The following RBBP6 variants were observed in gnomAD, a reference collection of about 807,000 sequenced individuals.
The protein encoded by RBBP6 is RB binding protein 6, ubiquitin ligase.
In RBBP6, 25 loss-of-function variants were observed where a neutral mutation model predicts 167.7. The observed-to-expected ratio is 0.15, with a 90% confidence interval of 0.11 to 0.21. The LOEUF (loss-of-function observed/expected upper bound fraction) is 0.21. RBBP6 is among the 10% of genes least tolerant of loss of function. RBBP6 has a pLI of 1.00. For missense variants in RBBP6, 1,868 were observed against 2,134.2 expected (o/e 0.88, Z 2.46); for synonymous variants, 789 against 735.8 (o/e 1.07, Z -1.17).
chr16:24,553,273 AC>A, intron 3 of RBBP6: 1 of 412,860 alleles, frequency 2.4e-6, no homozygotes, highest in Non-Finnish European at 4.4e-6. Flanking sequence ...TCTGTGTGAT[AC>A]ATTTTTTCAT....
intron 1 of RBBP6, among the ~76,000 whole-genome samples, chr16:24,545,425 T>G (rs1898619796): frequency 6.6e-6 from 1 of 152,208 alleles, no homozygotes; most frequent in South Asian, 2.1e-4. Context: ...TTAAAATCCT[T>G]CAGTGTCTTC....
At chr16:24,567,650 C>T in intron 15 of RBBP6, 142 bp from the exon 16 acceptor site, 1 of 1,254,962 alleles carries the variant, frequency 8.0e-7, no homozygotes, top group Non-Finnish European at 1.1e-6. Flanking sequence ...CAAGCAACTT[C>T]TCAGGGATTC....
intron 6 of RBBP6, 112 bp from the exon 7 acceptor site, chr16:24,556,194 CAT>C (rs1898908812): frequency 1.2e-6 from 1 of 849,472 alleles, no homozygotes; most frequent in Non-Finnish European, 1.8e-6. Flanking sequence ...AATGAGATCA[CAT>C]ATGTAAAGCA....
chr16:24,542,998 G>A (rs1197574861), intron 1 of RBBP6, among the ~76,000 whole-genome samples: 1 of 152,168 alleles, frequency 6.6e-6, no homozygotes, highest in South Asian at 2.1e-4. Context: ...GGGAGAAAAT[G>A]TGTATTTTAT....
In RBBP6 at chr16:24,571,670, G is replaced by A. The variant is rs373248663; in HGVS notation, c.4604G>A (p.Ser1535Asn). The part of the protein sequence containing the change: ...GTGDSKKSNS[S>N]PSRDRKPHDH... The stretch of plus-strand genomic sequence containing the variant: ...GGAGATTCCAAAAAAAGTAATTCTA[G>A]TCCCTCAAGAGACAGAAAACCTCAT... The change falls in exon 18 of 18, where the codon AGT (serine) becomes AAT (asparagine). Residue 1535 changes from serine (S) to asparagine (N), a missense_variant. This residue lies in a region of RBBP6 where 591 missense variants were observed against 540.5 expected (regional missense o/e 1.09). Transcript: ENST00000319715. The A allele has an allele frequency of 1.1e-5, 18 of 1,613,866 alleles. No individual in the cohort carries two copies. Among genetic ancestry groups the A allele is most frequent in the Non-Finnish European group, 1.4e-5 (17 of 1,179,954 alleles).
chr16:24,570,942 G>A lies in RBBP6; in HGVS notation c.3876G>A (p.Val1292=), dbSNP rs766022585. The A allele has an allele frequency of 1.9e-6, 3 of 1,604,874 alleles. No homozygotes were observed. Among genetic ancestry groups the A allele is most frequent in the Non-Finnish European group, 2.6e-6 (3 of 1,173,036 alleles). The part of the protein sequence containing the change: ...SEEKTDTKRT[V]IKTMEEYNND... ...AAAAAACAGATACAAAGCGAACTGTGATTAAAACGATGGAAGAATATAATA... is the reference window on the plus strand; with the variant it reads ...AAAAAACAGATACAAAGCGAACTGTAATTAAAACGATGGAAGAATATAATA... The change falls in exon 18 of 18, where the codon GTG becomes GTA. Residue 1292 remains valine, a synonymous_variant. Transcript: ENST00000319715.
intron 3 of RBBP6, chr16:24,549,193 A>T: frequency 7.0e-7 from 1 of 1,423,568 alleles, no homozygotes; most frequent in South Asian, 1.6e-5. Context: ...TGTGCCCGTA[A>T]CACTGTTTCA....
rs2141478658 is a variant in RBBP6, at chr16:24,569,714, A to C, written c.3024A>C (p.Glu1008Asp). 1 of 1,614,128 alleles carries C rather than the reference A, an allele frequency of 6.2e-7. No homozygotes were observed. The highest frequency in any genetic ancestry group is 1.6e-4 in the Middle Eastern group (1 of 6,062). Residue 1008 changes from glutamate (E) to aspartate (D), a missense_variant, in exon 17 of 18, where the codon GAA becomes GAC. Physicochemically the swap from Glu to Asp is conservative, Grantham distance 45. Around this residue, in one of 7 missense-constraint regions of RBBP6, gnomAD observed 673 missense variants for 691.5 expected, o/e 0.97. Transcript: ENST00000319715. The stretch of plus-strand genomic sequence containing the variant: ...CAGTGTCTGAAAAAGACAAGAGAGA[A>C]AGGGATAAACCAAAAGCAAAGGGTG... ...FKSVSEKDKRERDKPKAKGDK... is the reference protein window; with the variant it reads ...FKSVSEKDKRDRDKPKAKGDK...
Position 24,555,759 on chromosome 16 carries a change from C to A in RBBP6, c.437+56C>A. 3 of 1,584,270 alleles carry A rather than the reference C, an allele frequency of 1.9e-6. 1 individual carries two copies. Among genetic ancestry groups the A allele is most frequent in the South Asian group, 2.2e-5 (2 of 89,884 alleles). ...AACTTTTGGGGTGGGTTTTCCCCCC[C>A]AATCAAAAGCACTATTTTTTCAAAG... On this transcript the variant is annotated intron_variant, in intron 5 of 17. Transcript: ENST00000319715.
Position 24,570,222 on chromosome 16 carries a change from C to T in RBBP6, c.3532C>T (p.Pro1178Ser). 1 of 1,612,694 alleles carries T rather than the reference C, an allele frequency of 6.2e-7. No homozygotes were observed. The change falls in exon 17 of 18, where the codon CCA becomes TCA. Residue 1178 changes from proline to serine, a missense_variant. Pro to Ser is a moderately conservative substitution (Grantham distance 74). Transcript: ENST00000319715. Reference sequence around the variant, plus strand: ...ACTAGAAGTGACTGAAATAGTGAAACCATCACCAAAGCGCAAAATGGAACC... The same window carrying T: ...ACTAGAAGTGACTGAAATAGTGAAATCATCACCAAAGCGCAAAATGGAACC... ...SKLEVTEIVK[P>S]SPKRKMEPDT...
At chr16:24,550,545 TTAAAC>T (rs1336543451) in intron 3 of RBBP6, among the ~76,000 whole-genome samples, 5 of 151,756 alleles carry the variant, frequency 3.3e-5, no homozygotes, top group South Asian at 2.1e-4. Context: ...TATATAGTAT[TTAAAC>T]TAATTCAGAT....
intron 13 of RBBP6, among the ~76,000 whole-genome samples, 170 bp from the exon 14 acceptor site, chr16:24,564,627 A>C (rs1899149305): frequency 6.6e-6 from 1 of 152,262 alleles, no homozygotes; most frequent in African/African-American, 2.4e-5. Context: ...GTTAGTTTTA[A>C]GTAAATATAA....
At chr16:24,546,946 G>A (rs977336207) in intron 2 of RBBP6, among the ~76,000 whole-genome samples, 3 of 152,202 alleles carry the variant, frequency 2.0e-5, no homozygotes, top group East Asian at 1.9e-4. Context: ...CAACTAGTCC[G>A]GAGCTGGTAT....
intron 1 of RBBP6, among the ~76,000 whole-genome samples, chr16:24,543,410 A>G (rs1294787309): frequency 2.6e-5 from 4 of 151,806 alleles, no homozygotes; most frequent in Non-Finnish European, 5.9e-5. Flanking sequence ...CAGCCTCCCA[A>G]GTAGCTGGAC....
At chr16:24,557,145 C>T (rs897908138) in intron 7 of RBBP6, among the ~76,000 whole-genome samples, 1 of 151,928 alleles carries the variant, frequency 6.6e-6, no homozygotes, top group African/African-American at 2.4e-5. Context: ...ACTACAGGCG[C>T]CCGCCACCAC....
Position 24,542,218 on chromosome 16 carries a change from G to A in RBBP6, c.166+1426G>A, listed in dbSNP as rs151212049. Among the ~76,000 whole-genome samples the A allele has an allele frequency of 5.1e-4, 78 of 152,252 alleles. 2 individuals are homozygous for A. The highest frequency in any genetic ancestry group is 1.8e-3 in the African/African-American group (73 of 41,536). On this transcript the variant is annotated intron_variant, in intron 1 of 17. Transcript: ENST00000319715. Reference sequence around the variant, plus strand: ...ATAGCTTTATTTAAGTGCCTCACAAGCATCCCTTAACTACAACAGTCACAT... The same window carrying A: ...ATAGCTTTATTTAAGTGCCTCACAAACATCCCTTAACTACAACAGTCACAT...
At position 24,570,062 on chromosome 16, in the gene RBBP6, A is replaced by C. The variant is rs757767165; in HGVS notation, c.3372A>C (p.Thr1124=). The part of the protein sequence containing the change: ...YSKDVKSEKL[T]TKEEKAKKPN... ...AAGATGTCAAATCAGAAAAGCTAAC[A>C]ACTAAGGAAGAAAAGGCCAAGAAGC... is the stretch of plus-strand genomic sequence containing the variant. The change falls in exon 17 of 18, where the codon ACA becomes ACC. Residue 1124 remains threonine, a synonymous_variant. Coordinates refer to ENST00000319715, the MANE Select transcript of RBBP6 (RefSeq NM_006910.5). 2 of 1,608,880 alleles carry C rather than the reference A, an allele frequency of 1.2e-6. No individual in the cohort carries two copies. Among genetic ancestry groups the C allele is most frequent in the Non-Finnish European group, 1.7e-6 (2 of 1,178,920 alleles).
At chr16:24,565,370 TAAG>T (rs1899169874) in intron 14 of RBBP6, among the ~76,000 whole-genome samples, 1 of 152,208 alleles carries the variant, frequency 6.6e-6, no homozygotes, top group African/African-American at 2.4e-5. Context: ...AATATTAATC[TAAG>T]AAGTAAGAAT....
At chr16:24,565,067 T>A (rs982203539) in intron 14 of RBBP6, among the ~76,000 whole-genome samples, 1 of 152,170 alleles carries the variant, frequency 6.6e-6, no homozygotes, top group African/African-American at 2.4e-5. Flanking sequence ...TGATGGTTTT[T>A]AAGACATTTT....
Sources: allele counts gnomAD v4.1 joint callset (sites outside exome capture counted in the v4.1 genomes callset), GRCh38; gene constraint gnomAD v4.1.1; regional missense constraint gnomAD v4.1.1; transcripts MANE v1.5; gene names NCBI Gene and HGNC (gene_info 2026-07-23, HGNC 2026-07-21).